EPB41L4A: variants seen among roughly 807,000 people sequenced by gnomAD.
The protein encoded by EPB41L4A is band 4.1-like protein 4A.
EPB41L4A carries 100 observed loss-of-function variants against 108.6 expected under a neutral mutation model. The ratio of observed to expected loss-of-function variants is 0.92; its 90% CI spans 0.78 to 1.09. The LOEUF (loss-of-function observed/expected upper bound fraction) is 1.09, where lower values mean the gene tolerates loss of function less well. EPB41L4A is among the 50% of genes least tolerant of loss of function. The probability of loss-of-function intolerance (pLI) is 0.00; values close to 1 mark genes in which losing one functional copy is unlikely to be tolerated. For synonymous variants in EPB41L4A, 319 were observed against 289.0 expected, an observed-to-expected ratio of 1.10 and a Z score of -1.05; for missense variants, 1,030 against 842.7, an observed-to-expected ratio of 1.22 and a Z score of -2.75.
intron 1 of EPB41L4A, among the ~76,000 whole-genome samples, chr5:112,377,220 A>G (rs926005315): frequency 6.6e-6 from 1 of 151,932 alleles, no homozygotes; most frequent in African/African-American, 2.4e-5. Context: ...TGTTTGAAAA[A>G]AAAAAAAAAA....
chr5:112,345,440 T>A (rs1757576072), intron 1 of EPB41L4A, among the ~76,000 whole-genome samples: 1 of 152,010 alleles, frequency 6.6e-6, no homozygotes, highest in African/African-American at 2.4e-5. Flanking sequence ...TTTTTTAAAG[T>A]AGGCTGCAGT....
intron 17 of EPB41L4A, among the ~76,000 whole-genome samples, 179 bp downstream of exon 17, chr5:112,194,389 A>G (rs1310568666): frequency 6.6e-6 from 1 of 152,148 alleles, no homozygotes; most frequent in Admixed American, 6.5e-5. Context: ...TCTTATTGTG[A>G]AGATAAGAAA....
chr5:112,247,727 G>C (rs1300804226), intron 9 of EPB41L4A, among the ~76,000 whole-genome samples: 1 of 152,108 alleles, frequency 6.6e-6, no homozygotes, highest in Non-Finnish European at 1.5e-5. Flanking sequence ...TTTACCATGA[G>C]TCTTCCAAAA....
At chr5:112,275,493 C>A in intron 3 of EPB41L4A, 89 bp from the exon 4 acceptor site, 1 of 1,342,546 alleles carries the variant, frequency 7.4e-7, no homozygotes, top group Non-Finnish European at 9.9e-7. Context: ...TACAATTACA[C>A]TCCAAGATTG....
intron 12 of EPB41L4A, among the ~76,000 whole-genome samples, chr5:112,233,750 TTGC>T (rs1042273769): frequency 1.3e-5 from 2 of 152,142 alleles, no homozygotes; most frequent in Non-Finnish European, 2.9e-5. Context: ...TTCAAGACTC[TTGC>T]TAAGAGTTTT....
At position 112,410,413 on chromosome 5, in the gene EPB41L4A, G is replaced by T. The variant is rs534245499; in HGVS notation, c.99+8528C>A. ...ATGCTGGAAGCAGGGGCCTTGCAGG[G>T]ATTAGGAGGCCCTGCAAATTGTCCA... On this transcript the variant is annotated intron_variant, in intron 1 of 22. Transcript: ENST00000261486. Among the ~76,000 whole-genome samples the T allele has an allele frequency of 2.6e-5, 4 of 152,324 alleles. No individual in the cohort carries two copies. In the South Asian group the frequency reaches 6.2e-4, roughly 24 times the overall value.
intron 18 of EPB41L4A, among the ~76,000 whole-genome samples, chr5:112,179,339 T>G (rs568026542): frequency 6.6e-6 from 1 of 152,230 alleles, no homozygotes; most frequent in East Asian, 1.9e-4. Context: ...TCAAATTATT[T>G]TAAATGACCA....
intron 1 of EPB41L4A, among the ~76,000 whole-genome samples, chr5:112,394,104 C>T (rs1761158770): frequency 6.6e-6 from 1 of 152,134 alleles, no homozygotes; most frequent in East Asian, 1.9e-4. Context: ...ATAATAAGAG[C>T]TATTTATGAC....
At chr5:112,287,843 A>T (rs1753385997) in intron 2 of EPB41L4A, among the ~76,000 whole-genome samples, 1 of 152,330 alleles carries the variant, frequency 6.6e-6, no homozygotes, top group East Asian at 1.9e-4. Context: ...GATGATTCAG[A>T]TAAGGAGGTT....
At chr5:112,419,365 G>T, upstream of EPB41L4A, 1 of 363,902 alleles carries the variant, frequency 2.7e-6, no homozygotes. Context: ...CCGCAGTCCT[G>T]GGGACGACAA....
At chr5:112,409,258 T>TA (rs1561653153) in intron 1 of EPB41L4A, among the ~76,000 whole-genome samples, 1 of 152,188 alleles carries the variant, frequency 6.6e-6, no homozygotes, top group Non-Finnish European at 1.5e-5. Flanking sequence ...TGAATCCTTT[T>TA]ATATGAAATG....
chr5:112,391,553 C>A (rs1760943246), intron 1 of EPB41L4A, among the ~76,000 whole-genome samples: 1 of 152,064 alleles, frequency 6.6e-6, no homozygotes, highest in Non-Finnish European at 1.5e-5. Flanking sequence ...AAGAAACGAA[C>A]AAAGCCTCCA....
At chr5:112,394,613 A>G (rs557719998) in intron 1 of EPB41L4A, among the ~76,000 whole-genome samples, 1 of 152,342 alleles carries the variant, frequency 6.6e-6, no homozygotes, top group Non-Finnish European at 1.5e-5. Flanking sequence ...ATGGAAGAAC[A>G]TTCCATGCTC....
chr5:112,293,355 C>T (rs967003372), intron 2 of EPB41L4A, among the ~76,000 whole-genome samples: 2 of 108,042 alleles, frequency 1.9e-5, no homozygotes, highest in Admixed American at 7.9e-5. Context: ...TTTTCCTCAT[C>T]CTCTCCCTCC....
chr5:112,395,300 G>C (rs901784154), intron 1 of EPB41L4A, among the ~76,000 whole-genome samples: 2 of 152,190 alleles, frequency 1.3e-5, no homozygotes, highest in Non-Finnish European at 1.5e-5. Context: ...CCATCAGAGT[G>C]AACAGGCAAC....
intron 2 of EPB41L4A, among the ~76,000 whole-genome samples, chr5:112,299,044 T>C (rs976220702): frequency 4.6e-5 from 7 of 152,234 alleles, no homozygotes; most frequent in African/African-American, 1.7e-4. Context: ...TCTTCTTTTC[T>C]TGGTTAATCT....
At chr5:112,382,785 T>C (rs568194636) in intron 1 of EPB41L4A, among the ~76,000 whole-genome samples, 5 of 152,302 alleles carry the variant, frequency 3.3e-5, no homozygotes, top group East Asian at 1.9e-4. Context: ...TACCCAGTTG[T>C]GGAATTTTCC....
chr5:112,318,603 T>A (rs1164821606), intron 1 of EPB41L4A, among the ~76,000 whole-genome samples: 1 of 152,142 alleles, frequency 6.6e-6, no homozygotes, highest in Non-Finnish European at 1.5e-5. Context: ...ACAGTCAACA[T>A]CACATGGAGA....
chr5:112,299,758 T>C (rs1916993), intron 2 of EPB41L4A, among the ~76,000 whole-genome samples: 4 of 152,228 alleles, frequency 2.6e-5, no homozygotes, highest in African/African-American at 9.6e-5. Flanking sequence ...CAGTGCAGTA[T>C]TGAAGTCCCC....
Sources: allele counts gnomAD v4.1 joint callset (sites outside exome capture counted in the v4.1 genomes callset), GRCh38; gene constraint gnomAD v4.1.1; transcripts MANE v1.5; gene names NCBI Gene and HGNC (gene_info 2026-07-23, HGNC 2026-07-21).